The following LAMB1 variants were observed in gnomAD, a reference collection of about 807,000 sequenced individuals.
The protein encoded by LAMB1 is laminin subunit beta-1.
In LAMB1, 121 loss-of-function variants were observed where a neutral mutation model predicts 222.3. That is an observed-to-expected ratio of 0.54 (90% CI 0.47 to 0.63). The LOEUF (loss-of-function observed/expected upper bound fraction) is 0.63, where lower values mean the gene tolerates loss of function less well. Among genes scored for constraint, LAMB1 ranks in the 30% least tolerant of loss-of-function variants. LAMB1 has a pLI of 0.00. For missense variants in LAMB1, 2,172 were observed against 2,240.8 expected (o/e 0.97, Z 0.62); for synonymous variants, 794 against 807.2 (o/e 0.98, Z 0.28).
chr7:107,954,886 C>A (rs1458381660), intron 21 of LAMB1, among the ~76,000 whole-genome samples: 1 of 152,066 alleles, frequency 6.6e-6, no homozygotes. Flanking sequence ...GACCAATTTC[C>A]CTAAGAAATT....
chr7:107,974,746 G>T (rs2033817073), intron 12 of LAMB1, among the ~76,000 whole-genome samples: 1 of 152,164 alleles, frequency 6.6e-6, no homozygotes, highest in African/African-American at 2.4e-5. Flanking sequence ...TTAAAAACTT[G>T]TGTTAATTGT....
At chr7:107,980,019 C>G (rs1048522123) in intron 8 of LAMB1, among the ~76,000 whole-genome samples, 1 of 152,066 alleles carries the variant, frequency 6.6e-6, no homozygotes, top group Non-Finnish European at 1.5e-5. Context: ...ATCAGCCTAG[C>G]CAACATGATG....
At position 108,002,932 on chromosome 7, in the gene LAMB1, C is replaced by T. The variant is rs772221490; in HGVS notation, c.-47G>A. ...GGACGCGGCAGAGGAGTGGAGAAGA[C>T]GCCCGCCGAGCCGCCTGCCCTTTCT... On this transcript the variant is annotated 5_prime_UTR_variant, in exon 2 of 34. Transcript: ENST00000222399. 6.2e-6 allele frequency: 10 copies of T among 1,609,048 alleles called. No individual in the cohort carries two copies. In the Admixed American group the frequency reaches 8.4e-5, roughly 14 times the overall value.
At position 107,961,300 on chromosome 7, in the gene LAMB1, A is replaced by G. The variant is rs764049949; in HGVS notation, c.2015T>C (p.Phe672Ser). 12 of 1,614,132 alleles carry G rather than the reference A, an allele frequency of 7.4e-6. No individual in the cohort carries two copies. The highest frequency in any genetic ancestry group is 3.3e-5 in the Admixed American group (2 of 60,022). ...RYVVLPRPVC[F>S]EKGTNYTVRL... Reference sequence around the variant, plus strand: ...CACCGTGTAGTTTGTTCCCTTCTCAAAGCACACCGGCCGAGGAAGGACGAC... The same window carrying G: ...CACCGTGTAGTTTGTTCCCTTCTCAGAGCACACCGGCCGAGGAAGGACGAC... Residue 672 changes from phenylalanine (F) to serine (S), a missense_variant, in exon 17 of 34, where the codon TTT (phenylalanine) becomes TCT (serine). Phe to Ser is a radical substitution (Grantham distance 155). Coordinates refer to ENST00000222399, the MANE Select transcript of LAMB1 (RefSeq NM_002291.3).
In LAMB1 at chr7:107,937,158, C is replaced by CTTTCTCAATCCTTA; in HGVS notation, c.3880_3881insTAAGGATTGAGAAA (p.Ser1294IlefsTer7). On this transcript the variant is annotated frameshift_variant, in exon 26 of 34. Transcript: ENST00000222399. LOFTEE classifies it high-confidence loss of function. ...AAGTTCTTTCACAGTGTTGTCTAGGCTTTCGGCTTCTGTCTGTAGAGAATC... is the reference window on the plus strand; with the variant it reads ...AAGTTCTTTCACAGTGTTGTCTAGGCTTTCTCAATCCTTATTTCGGCTTCTGTCTGTAGAGAATC... 6.2e-7 allele frequency: 1 copy of CTTTCTCAATCCTTA among 1,614,064 alleles called. No individual in the cohort carries two copies. Among genetic ancestry groups the CTTTCTCAATCCTTA allele is most frequent in the Non-Finnish European group, 8.5e-7 (1 of 1,179,960 alleles).
chr7:107,999,448 T>C (rs1490887095), intron 3 of LAMB1, among the ~76,000 whole-genome samples: 1 of 152,212 alleles, frequency 6.6e-6, no homozygotes, highest in Non-Finnish European at 1.5e-5. Context: ...CAAACAGCAT[T>C]TAAGGGTAAT....
At chr7:107,965,231 T>A in intron 13 of LAMB1, among the ~76,000 whole-genome samples, 1 of 152,260 alleles carries the variant, frequency 6.6e-6, no homozygotes, top group East Asian at 1.9e-4. Context: ...CTGTGATTTT[T>A]ACTTCTGCAT....
At chr7:107,929,718 G>C (rs772411071) in intron 29 of LAMB1, 99 bp from the exon 30 acceptor site, 10 of 924,164 alleles carry the variant, frequency 1.1e-5, no homozygotes, top group Admixed American at 2.1e-5. Context: ...AGCATGGTGG[G>C]GTTACACACC....
intron 27 of LAMB1, 72 bp downstream of exon 27, chr7:107,935,343 C>CTT (rs2032816386): frequency 1.5e-6 from 2 of 1,371,964 alleles, no homozygotes; most frequent in African/African-American, 2.4e-5. Context: ...GTTTGTTTTT[C>CTT]TTTGTTTTTT....
At chr7:107,983,878 G>A (rs1176009186) in intron 7 of LAMB1, among the ~76,000 whole-genome samples, 1 of 152,094 alleles carries the variant, frequency 6.6e-6, no homozygotes, top group Non-Finnish European at 1.5e-5. Flanking sequence ...TGTGTAATAA[G>A]AGCAGTTGTT....
At chr7:107,983,708 G>C (rs1021014444) in intron 7 of LAMB1, among the ~76,000 whole-genome samples, 1 of 151,856 alleles carries the variant, frequency 6.6e-6, no homozygotes, top group African/African-American at 2.4e-5. Flanking sequence ...AGTAGAGACG[G>C]GGTTTCACCA....
chr7:107,980,468 C>G (rs924577667), intron 8 of LAMB1, 141 bp downstream of exon 8: 2 of 634,226 alleles, frequency 3.2e-6, no homozygotes, highest in Admixed American at 2.9e-5. Context: ...AATCAGCTAC[C>G]TGTATGGTGC....
intron 1 of LAMB1, 60 bp downstream of exon 1, chr7:108,003,051 C>T (rs1336389215): frequency 7.1e-7 from 1 of 1,414,296 alleles, no homozygotes; most frequent in South Asian, 1.5e-5. Flanking sequence ...GTCGCTCCCA[C>T]GGAAGCGGGG....
intron 2 of LAMB1, 42 bp downstream of exon 2, chr7:108,002,807 C>T (rs1216164884): frequency 6.2e-7 from 1 of 1,613,714 alleles, no homozygotes; most frequent in Non-Finnish European, 8.5e-7. Flanking sequence ...CTTCCCCATG[C>T]CCAAGTCCGT....
intron 4 of LAMB1, among the ~76,000 whole-genome samples, chr7:107,997,773 A>G (rs1414625780): frequency 3.3e-5 from 5 of 152,238 alleles, no homozygotes; most frequent in African/African-American, 4.8e-5. Context: ...TGATGAATGT[A>G]TTACACCAAA....
At chr7:107,927,464 GTC>G (rs1562972209) in intron 31 of LAMB1, among the ~76,000 whole-genome samples, 1 of 151,962 alleles carries the variant, frequency 6.6e-6, no homozygotes, top group Non-Finnish European at 1.5e-5. Flanking sequence ...AAGAAACAGG[GTC>G]TTGCTATATT....
rs186673658 is a variant in LAMB1 at position 107,947,124 on chromosome 7, C to T, written c.3391+4102G>A. On this transcript the variant is annotated intron_variant, in intron 24 of 33. Transcript: ENST00000222399. ...GGATGAGATTCCCTCTCCATCCCAG[C>T]ACAGTGGTGGGCTTGTTCAGGCTTG... Among the ~76,000 whole-genome samples, 208 of 152,326 alleles carry T rather than the reference C, an allele frequency of 1.4e-3. 1 individual carries two copies. The highest frequency in any genetic ancestry group is 3.0e-3 in the Admixed American group (46 of 15,290).
intron 7 of LAMB1, 48 bp downstream of exon 7, chr7:107,985,974 C>G (rs914469348): frequency 7.0e-7 from 1 of 1,432,624 alleles, no homozygotes; most frequent in Non-Finnish European, 9.8e-7. Context: ...CAAAACAAAA[C>G]AAACAAACAA....
Position 107,959,706 on chromosome 7 carries a change from G to A in LAMB1, c.2443C>T (p.Pro815Ser), listed in dbSNP as rs1229043964. ...AGGAACCTACGTTTGCATCCACTGG[G>A]GCCAAAGCCAAAAGTTCCAGGTGCA... ...RCAPGTFGFG[P>S]SGCKPCECHL... The change falls in exon 19 of 34, where the codon CCC (proline) becomes TCC (serine). Residue 815 changes from proline (P) to serine (S), a missense_variant. Physicochemically the swap from Pro to Ser is moderately conservative, Grantham distance 74 (BLOSUM62 -1). Transcript: ENST00000222399. The A allele has an allele frequency of 3.1e-6, 5 of 1,614,028 alleles. No homozygotes were observed. The highest frequency in any genetic ancestry group is 1.7e-5 in the Admixed American group (1 of 59,998).
Sources: allele counts gnomAD v4.1 joint callset (sites outside exome capture counted in the v4.1 genomes callset), GRCh38; gene constraint gnomAD v4.1.1; transcripts MANE v1.5; gene names NCBI Gene and HGNC (gene_info 2026-07-23, HGNC 2026-07-21).